Variants in FAM13A observed in about 807,000 individuals in gnomAD.
FAM13A encodes family with sequence similarity 13 member A, also known as protein FAM13A.
In FAM13A, 76 loss-of-function variants were observed where a neutral mutation model predicts 129.6. The observed-to-expected ratio is 0.59, with a 90% CI of 0.49 to 0.71. The LOEUF is 0.71. Among genes scored for constraint, FAM13A ranks in the 30% least tolerant of loss-of-function variants. The pLI is 0.00. For synonymous variants in FAM13A, 443 were observed against 449.9 expected (o/e 0.98, Z 0.20); for missense variants, 1,108 against 1,249.3 (o/e 0.89, Z 1.70).
At chr4:88,924,224 C>A (rs968956156) in intron 5 of FAM13A, among the ~76,000 whole-genome samples, 35 of 152,054 alleles carry the variant, frequency 2.3e-4, no homozygotes, top group East Asian at 5.8e-4. Flanking sequence ...ATATGGAACC[C>A]AAAAAGAGCC....
chr4:88,787,628 T>A, intron 10 of FAM13A, 125 bp downstream of exon 10: 1 of 851,740 alleles, frequency 1.2e-6, no homozygotes, highest in Non-Finnish European at 1.8e-6. Flanking sequence ...CTCTTAAAGT[T>A]TTAACCTAAA....
In FAM13A at chr4:89,047,128, C is replaced by A. The variant is rs544390838; in HGVS notation, c.27+9810G>T. Among the ~76,000 whole-genome samples, 10 of 152,152 alleles carry A rather than the reference C, an allele frequency of 6.6e-5. No individual in the cohort carries two copies. The East Asian group carries it at 1.9e-3, about 30-fold the overall frequency. On this transcript the variant is annotated intron_variant, in intron 1 of 23. Coordinates refer to ENST00000264344, the MANE Select transcript of FAM13A (RefSeq NM_014883.4). Reference sequence around the variant, plus strand: ...ACTCATATCTTATACAAAGGGACTGCCAGATATTTGGAATATACTGTTATC... The same window carrying A: ...ACTCATATCTTATACAAAGGGACTGACAGATATTTGGAATATACTGTTATC...
chr4:88,879,670 T>C (rs1743201378), intron 6 of FAM13A, among the ~76,000 whole-genome samples: 1 of 152,172 alleles, frequency 6.6e-6, no homozygotes, highest in Non-Finnish European at 1.5e-5. Flanking sequence ...GGAATGGAGT[T>C]ACTTCTGGAC....
chr4:88,757,359 A>G (rs1239239155), intron 14 of FAM13A, among the ~76,000 whole-genome samples: 1 of 152,194 alleles, frequency 6.6e-6, no homozygotes, highest in African/African-American at 2.4e-5. Context: ...CCATATCACT[A>G]AGACACAAAT....
At chr4:88,939,192 G>A (rs939051012) in intron 4 of FAM13A, among the ~76,000 whole-genome samples, 1 of 152,252 alleles carries the variant, frequency 6.6e-6, no homozygotes, top group Admixed American at 6.5e-5. Flanking sequence ...CAAAATCAAG[G>A]TGTCAGCTGG....
chr4:89,020,663 G>A lies in FAM13A; in HGVS notation c.224C>T (p.Thr75Ile), dbSNP rs904652760. The change falls in exon 3 of 24, where the codon ACC becomes ATC. Residue 75 changes from threonine to isoleucine, a missense_variant. Coordinates refer to ENST00000264344, the MANE Select transcript of FAM13A (RefSeq NM_014883.4). Reference sequence around the variant, plus strand: ...ATTCACCCTAAAAAGACCTTCTTGGGTAAGTCCTGGAAGAGCAAAGTAGGC... The same window carrying A: ...ATTCACCCTAAAAAGACCTTCTTGGATAAGTCCTGGAAGAGCAAAGTAGGC... ...IVEYLTQHGL[T>I]QEGLFRVNGN... The A allele has an allele frequency of 1.2e-6, 2 of 1,613,516 alleles. No homozygotes were observed. Among genetic ancestry groups the A allele is most frequent in the Non-Finnish European group, 1.7e-6 (2 of 1,179,512 alleles).
At position 88,728,266 on chromosome 4, in the gene FAM13A, T is replaced by TGTGTGTGCGTGCATGCGCGTGCGC. The variant is rs1736793847; in HGVS notation, c.*243_*266dup. On this transcript the variant is annotated 3_prime_UTR_variant, in exon 24 of 24. Coordinates refer to ENST00000264344, the MANE Select transcript of FAM13A (RefSeq NM_014883.4). ...GTTAGGAAAGCTCCACTACTGTGTG[T>TGTGTGTGCGTGCATGCGCGTGCGC]GTGTGTGCGTGCATGCGCGTGCGCA... 2.0e-6 allele frequency: 1 copy of TGTGTGTGCGTGCATGCGCGTGCGC among 494,032 alleles called. No homozygotes were observed. The highest frequency in any genetic ancestry group is 3.7e-6 in the Non-Finnish European group (1 of 271,264). The allele number at this position is 494,032 out of a possible 1,614,324, so 30.6% of individuals were successfully genotyped here.
At chr4:88,803,418 C>T (rs1164643664) in intron 8 of FAM13A, among the ~76,000 whole-genome samples, 1 of 152,062 alleles carries the variant, frequency 6.6e-6, no homozygotes, top group Non-Finnish European at 1.5e-5. Flanking sequence ...TTTTCTTTTA[C>T]TGTATTTTCT....
intron 13 of FAM13A, among the ~76,000 whole-genome samples, chr4:88,761,545 A>G (rs1442168292): frequency 6.6e-6 from 1 of 152,132 alleles, no homozygotes; most frequent in Non-Finnish European, 1.5e-5. Flanking sequence ...GGAGGACGGC[A>G]CATCACACAG....
At chr4:88,861,252 A>G (rs1167032487) in intron 6 of FAM13A, among the ~76,000 whole-genome samples, 2 of 151,964 alleles carry the variant, frequency 1.3e-5, no homozygotes, top group Non-Finnish European at 2.9e-5. Context: ...ATGGTTGTGC[A>G]TGCCTGTAAT....
intron 5 of FAM13A, among the ~76,000 whole-genome samples, chr4:88,922,150 A>G (rs1271036400): frequency 2.6e-5 from 4 of 152,102 alleles, no homozygotes; most frequent in Admixed American, 2.0e-4. Flanking sequence ...AATGAGACAG[A>G]AAGTTAACAA....
At chr4:88,747,145 A>C in intron 18 of FAM13A, 130 bp from the exon 19 acceptor site, 1 of 640,320 alleles carries the variant, frequency 1.6e-6, no homozygotes. Flanking sequence ...GCTCTATCCA[A>C]AGTTCATTTA....
chr4:89,025,086 G>A (rs1767749563), intron 2 of FAM13A, among the ~76,000 whole-genome samples: 1 of 152,114 alleles, frequency 6.6e-6, no homozygotes, highest in Non-Finnish European at 1.5e-5. Context: ...ATTTTCATAT[G>A]TTGATGGTGT....
intron 8 of FAM13A, among the ~76,000 whole-genome samples, chr4:88,794,726 ACT>A (rs1249499404): frequency 6.6e-6 from 1 of 151,630 alleles, no homozygotes. Flanking sequence ...ATTTAAATTT[ACT>A]CTTTTTTTAA....
intron 1 of FAM13A, among the ~76,000 whole-genome samples, chr4:89,043,303 C>T (rs183972117): frequency 6.6e-6 from 1 of 152,238 alleles, no homozygotes; most frequent in East Asian, 1.9e-4. Context: ...GTGAGTGTAT[C>T]ACCTTGGGAG....
chr4:89,056,096 T>A (rs1207497184), intron 1 of FAM13A, among the ~76,000 whole-genome samples: 1 of 152,206 alleles, frequency 6.6e-6, no homozygotes, highest in Non-Finnish European at 1.5e-5. Flanking sequence ...ATATTTCTCA[T>A]TTAATACATT....
intron 4 of FAM13A, among the ~76,000 whole-genome samples, chr4:88,945,197 C>G (rs917293459): frequency 6.6e-6 from 1 of 152,160 alleles, no homozygotes; most frequent in Non-Finnish European, 1.5e-5. Context: ...GTAGACTGAA[C>G]TGGATCCTAA....
intron 6 of FAM13A, among the ~76,000 whole-genome samples, chr4:88,880,354 A>G (rs1743309291): frequency 6.6e-6 from 1 of 152,140 alleles, no homozygotes; most frequent in African/African-American, 2.4e-5. Flanking sequence ...AGAAGGTTTG[A>G]CCTTACCTGG....
intron 3 of FAM13A, among the ~76,000 whole-genome samples, chr4:89,017,735 TA>T (rs1766685712): frequency 1.3e-5 from 2 of 152,194 alleles, no homozygotes; most frequent in Admixed American, 1.3e-4. Context: ...TCCCTATGGA[TA>T]AAATATTCCT....
Sources: gnomAD v4.1 joint callset for allele counts (sites outside exome capture counted in the v4.1 genomes callset) on GRCh38, gnomAD v4.1.1 for gene constraint, MANE v1.5 for transcripts, NCBI Gene and HGNC (gene_info 2026-07-23, HGNC 2026-07-21) for gene names.